Variants in DENND1B observed in about 807,000 individuals in gnomAD.
DENND1B encodes the protein DENN domain containing 1B.
DENND1B carries 59 observed loss-of-function variants against 90.1 expected under a neutral mutation model. The observed-to-expected ratio is 0.65, with a 90% CI of 0.53 to 0.81. The LOEUF is 0.81. Among genes scored for constraint, DENND1B ranks in the 40% least tolerant of loss-of-function variants. The pLI, the probability that DENND1B is intolerant of heterozygous loss-of-function variation, is 0.00. For synonymous variants in DENND1B, 337 were observed against 324.6 expected (o/e 1.04, Z -0.41); for missense variants, 862 against 912.6 (o/e 0.94, Z 0.71).
chr1:197,679,934 G>A lies in DENND1B; in HGVS notation c.127-5765C>T, dbSNP rs181522498. On this transcript the variant is annotated intron_variant, in intron 3 of 22. Coordinates refer to ENST00000620048, the MANE Select transcript of DENND1B (RefSeq NM_001195215.2). ...GGAGGCCAAGGCAGGCGGATTGCTT[G>A]AGCCAAGGAGTTCGAGACCAGCCTG... Among the ~76,000 whole-genome samples, 1,259 of 148,832 alleles carry A rather than the reference G, an allele frequency of 8.5e-3. 18 individuals carry two copies. The highest frequency in any genetic ancestry group is 0.029 in the African/African-American group (1,158 of 40,488).
Position 197,572,362 on chromosome 1 carries a change from A to G in DENND1B, c.1149+10790T>C, listed in dbSNP as rs116194805. The stretch of plus-strand genomic sequence containing the variant: ...CCTGTGAGGCAGCAGCCTGGTGAGG[A>G]GAGGGGCGTCCGCCATTGCTGAGGC... On this transcript the variant is annotated intron_variant, in intron 15 of 22. Transcript: ENST00000620048. Among the ~76,000 whole-genome samples the G allele has an allele frequency of 5.9e-3, 897 of 152,244 alleles. 13 individuals carry two copies. Among genetic ancestry groups the G allele is most frequent in the African/African-American group, 0.02 (839 of 41,544 alleles).
intron 5 of DENND1B, among the ~76,000 whole-genome samples, chr1:197,664,110 G>A (rs998862131): frequency 2.6e-5 from 4 of 151,774 alleles, no homozygotes; most frequent in African/African-American, 9.7e-5. Flanking sequence ...TCTTTATTTT[G>A]TGGTTTCTTA....
chr1:197,752,996 G>C (rs1653777337), intron 2 of DENND1B, among the ~76,000 whole-genome samples: 1 of 151,932 alleles, frequency 6.6e-6, no homozygotes, highest in Non-Finnish European at 1.5e-5. Context: ...ACTATTCCAT[G>C]GTGTATATGT....
chr1:197,772,911 A>G lies in DENND1B; in HGVS notation c.39T>C (p.Phe13=), dbSNP rs1451471566. The G allele has an allele frequency of 2.6e-6, 4 of 1,551,996 alleles. No individual in the cohort carries two copies. The highest frequency in any genetic ancestry group is 8.7e-7 in the Non-Finnish European group (1 of 1,147,006). The stretch of plus-strand genomic sequence containing the variant: ...GACATTTCACTTTCAACACCAAGTC[A>G]AAGGTTCTGTCTGGATTTGCCCTAA... ...CRTKANPDRT[F]DLVLKVKCHA... is the part of the protein sequence containing the mutation. The change falls in exon 2 of 23, where the codon TTT becomes TTC. Residue 13 remains phenylalanine, a synonymous_variant. Transcript: ENST00000620048.
At chr1:197,594,754 T>C (rs778709429) in intron 14 of DENND1B, among the ~76,000 whole-genome samples, 12 of 152,108 alleles carry the variant, frequency 7.9e-5, no homozygotes, top group Non-Finnish European at 1.5e-4. Flanking sequence ...GGTCATGAAT[T>C]AGGAAGACAA....
At chr1:197,678,249 G>C (rs1024588989) in intron 3 of DENND1B, among the ~76,000 whole-genome samples, 7 of 152,088 alleles carry the variant, frequency 4.6e-5, no homozygotes, top group African/African-American at 1.4e-4. Flanking sequence ...TATTTCTTAA[G>C]AATCCTCATA....
At chr1:197,607,550 A>G (rs1676800920) in intron 12 of DENND1B, among the ~76,000 whole-genome samples, 1 of 150,912 alleles carries the variant, frequency 6.6e-6, no homozygotes, top group African/African-American at 2.4e-5. Context: ...TATGTTTAGC[A>G]TAAAGCATAT....
At chr1:197,529,242 ATGTG>A (rs1160722638) in intron 20 of DENND1B, among the ~76,000 whole-genome samples, 27 of 10,862 alleles carry the variant, frequency 2.5e-3, no homozygotes, top group African/African-American at 4.5e-3. Flanking sequence ...ATATATATAT[ATGTG>A]TGTGTGTGTG....
intron 5 of DENND1B, among the ~76,000 whole-genome samples, chr1:197,668,538 C>T (rs896143562): frequency 3.3e-5 from 5 of 151,364 alleles, no homozygotes; most frequent in African/African-American, 9.7e-5. Flanking sequence ...GTACTTATTG[C>T]GTATACTTTC....
At chr1:197,557,659 T>C (rs888246433) in intron 15 of DENND1B, among the ~76,000 whole-genome samples, 3 of 151,916 alleles carry the variant, frequency 2.0e-5, no homozygotes. Flanking sequence ...TACATACATA[T>C]ATTATATGTA....
chr1:197,739,365 T>C (rs1663003622), intron 2 of DENND1B, among the ~76,000 whole-genome samples: 1 of 152,196 alleles, frequency 6.6e-6, no homozygotes, highest in East Asian at 1.9e-4. Flanking sequence ...ATGGGACATA[T>C]ACGAGAAGAA....
At chr1:197,735,377 A>C in intron 2 of DENND1B, 3 of 1,376,244 alleles carry the variant, frequency 2.2e-6, no homozygotes, top group Non-Finnish European at 2.8e-6. Flanking sequence ...ATTAAACTAA[A>C]TAAAATTTAA....
At chr1:197,552,711 AC>A (rs1671341579) in intron 16 of DENND1B, 1 of 1,123,540 alleles carries the variant, frequency 8.9e-7, no homozygotes, top group Non-Finnish European at 1.1e-6. Context: ...AGAGAATACT[AC>A]TATTCAGAAG....
intron 10 of DENND1B, among the ~76,000 whole-genome samples, chr1:197,632,849 G>T (rs1479717981): frequency 6.8e-6 from 1 of 147,128 alleles, no homozygotes; most frequent in Non-Finnish European, 1.5e-5. Context: ...ACTGGCTTGA[G>T]TGATTGTTCT....
intron 20 of DENND1B, among the ~76,000 whole-genome samples, chr1:197,529,402 G>T (rs1052638825): frequency 6.6e-6 from 1 of 151,200 alleles, no homozygotes; most frequent in Non-Finnish European, 1.5e-5. Context: ...GTGCATATGC[G>T]TGTGCCAGGG....
intron 12 of DENND1B, among the ~76,000 whole-genome samples, 171 bp downstream of exon 12, chr1:197,611,760 T>C (rs559390630): frequency 6.0e-5 from 9 of 150,826 alleles, no homozygotes; most frequent in Non-Finnish European, 1.3e-4. Context: ...AGTATGTTAA[T>C]TTAAATGTAA....
At chr1:197,535,304 T>C (rs1669794294) in intron 20 of DENND1B, among the ~76,000 whole-genome samples, 1 of 152,138 alleles carries the variant, frequency 6.6e-6, no homozygotes, top group Non-Finnish European at 1.5e-5. Context: ...TTTTGGCAAA[T>C]AGCATTATGG....
In DENND1B at chr1:197,652,246, T is replaced by A; in HGVS notation, c.436A>T (p.Asn146Tyr). ...HPVPKANTPV[N>Y]LSVNQEIFIA... ...GATTGAATACTTACCACACTCAAAT[T>A]TACAGGAGTATTTGCCTTTGGTACT... The change falls in exon 7 of 23, where the codon AAT (asparagine) becomes TAT (tyrosine). Residue 146 changes from asparagine to tyrosine, a missense_variant. Asn to Tyr is a moderately radical substitution (Grantham distance 143). Coordinates refer to ENST00000620048, the MANE Select transcript of DENND1B (RefSeq NM_001195215.2). The A allele has an allele frequency of 6.2e-7, 1 of 1,610,014 alleles. No individual in the cohort carries two copies. Among genetic ancestry groups the A allele is most frequent in the Non-Finnish European group, 8.5e-7 (1 of 1,178,556 alleles).
chr1:197,574,207 A>C (rs938627243), intron 15 of DENND1B, among the ~76,000 whole-genome samples: 4 of 152,214 alleles, frequency 2.6e-5, no homozygotes, highest in Non-Finnish European at 4.4e-5. Context: ...ATCTCAGCCC[A>C]AAATCTCCTT....
Sources: gnomAD v4.1 joint callset for allele counts (sites outside exome capture counted in the v4.1 genomes callset) on GRCh38, gnomAD v4.1.1 for gene constraint, MANE v1.5 for transcripts, NCBI Gene and HGNC (gene_info 2026-07-23, HGNC 2026-07-21) for gene names.